The following BABAM2 variants were observed in gnomAD, a reference collection of about 807,000 sequenced individuals.
The protein encoded by BABAM2 is BRISC and BRCA1-A complex member 2.
Under a neutral mutation model 54.7 loss-of-function variants are expected in BABAM2, and 31 were observed. The observed-to-expected ratio is 0.57, with a 90% CI of 0.43 to 0.77. The LOEUF (loss-of-function observed/expected upper bound fraction) is 0.77, where lower values mean the gene tolerates loss of function less well. Ranked by LOEUF, BABAM2 falls within the 30% of genes least tolerant of loss-of-function variation. The pLI is 0.00. For synonymous variants in BABAM2, 167 were observed against 162.9 expected, an observed-to-expected ratio of 1.03 and a Z score of -0.19; for missense variants, 364 against 455.8, an observed-to-expected ratio of 0.80 and a Z score of 1.83.
At chr2:27,941,686 C>T (rs10170872) in intron 3 of BABAM2, among the ~76,000 whole-genome samples, 99,476 of 151,928 alleles carry the variant, frequency 0.65, 34,221 homozygotes, top group Middle Eastern at 0.8. Context: ...TACACTTTTC[C>T]TTTCAGAGGA....
intron 10 of BABAM2, among the ~76,000 whole-genome samples, chr2:28,272,866 A>G (rs1685540507): frequency 6.6e-6 from 1 of 152,102 alleles, no homozygotes; most frequent in South Asian, 2.1e-4. Context: ...AGGCCATTGA[A>G]CTGGGGACTG....
chr2:28,245,341 A>T (rs1409009349), intron 10 of BABAM2, among the ~76,000 whole-genome samples: 1 of 152,184 alleles, frequency 6.6e-6, no homozygotes, highest in East Asian at 1.9e-4. Flanking sequence ...TGCTGTGATC[A>T]TTTGGTTATC....
chr2:27,976,956 C>G (rs1168414573), intron 3 of BABAM2, among the ~76,000 whole-genome samples: 1 of 152,136 alleles, frequency 6.6e-6, no homozygotes, highest in Non-Finnish European at 1.5e-5. Context: ...GCCTCTGCCC[C>G]CTACTTCCAT....
intron 3 of BABAM2, among the ~76,000 whole-genome samples, chr2:27,970,201 A>G (rs1401948726): frequency 2.6e-5 from 4 of 152,186 alleles, no homozygotes; most frequent in Non-Finnish European, 2.9e-5. Flanking sequence ...CACTTCTTCA[A>G]TGAAGTCATC....
chr2:27,913,727 A>G (rs1558581932), intron 2 of BABAM2, among the ~76,000 whole-genome samples: 1 of 152,214 alleles, frequency 6.6e-6, no homozygotes. Context: ...TGTTTATAAT[A>G]CAATCTTCTT....
intron 6 of BABAM2, among the ~76,000 whole-genome samples, chr2:28,112,104 T>TCTTTCTTTCTTC (rs1668087563): frequency 1.2e-4 from 1 of 8,510 alleles, no homozygotes; most frequent in Non-Finnish European, 2.4e-4. Context: ...TTTCTTTCTT[T>TCTTTCTTTCTTC]CTTTCTTTCT....
intron 2 of BABAM2, among the ~76,000 whole-genome samples, chr2:27,912,403 T>C (rs982092021): frequency 3.9e-5 from 6 of 152,242 alleles, no homozygotes; most frequent in African/African-American, 7.2e-5. Flanking sequence ...GTATTTATCA[T>C]GTTTTTGCAT....
intron 7 of BABAM2, among the ~76,000 whole-genome samples, chr2:28,211,117 G>A (rs1679407350): frequency 6.6e-6 from 1 of 152,160 alleles, no homozygotes; most frequent in African/African-American, 2.4e-5. Context: ...GCCAAAAACA[G>A]AGGGGACACA....
intron 2 of BABAM2, among the ~76,000 whole-genome samples, chr2:27,910,054 C>T (rs967123803): frequency 6.6e-6 from 1 of 152,210 alleles, no homozygotes; most frequent in African/African-American, 2.4e-5. Flanking sequence ...ATAGCTAAGC[C>T]ATTCCATCTA....
chr2:27,914,700 GAA>G (rs1666836280), intron 2 of BABAM2, among the ~76,000 whole-genome samples: 2 of 152,146 alleles, frequency 1.3e-5, no homozygotes, highest in Admixed American at 1.3e-4. Context: ...ATAAAAAACA[GAA>G]GAGAATGGAA....
chr2:28,240,898 ATTTAT>A (rs1476249931), intron 8 of BABAM2, among the ~76,000 whole-genome samples: 1 of 150,948 alleles, frequency 6.6e-6, no homozygotes, highest in Non-Finnish European at 1.5e-5. Context: ...AAAAAAACCC[ATTTAT>A]TTTAATTCTT....
At chr2:28,181,932 T>A (rs1268742396) in intron 7 of BABAM2, among the ~76,000 whole-genome samples, 10 of 151,962 alleles carry the variant, frequency 6.6e-5, no homozygotes. Context: ...GAAGGAGGTG[T>A]CAGAGTGAGC....
chr2:28,074,004 C>T (rs1031815783), intron 6 of BABAM2, among the ~76,000 whole-genome samples: 2 of 150,562 alleles, frequency 1.3e-5, no homozygotes, highest in Non-Finnish European at 2.9e-5. Context: ...TATATTTACA[C>T]ATATATACAC....
In BABAM2 at chr2:27,941,517, C is replaced by G. The variant is rs186162077; in HGVS notation, c.205+11609C>G. 2.0e-5 allele frequency among the ~76,000 whole-genome samples: 3 copies of G among 151,334 alleles called. No individual in the cohort carries two copies. The East Asian group carries it at 5.9e-4, about 30-fold the overall frequency. ...GTTGCAGCTAGCCGAGATCGCGGCA[C>G]TGCACACCAGCCTGGGTGACAGTGC... On this transcript the variant is annotated intron_variant, in intron 3 of 11. Coordinates refer to ENST00000379624, the MANE Select transcript of BABAM2 (RefSeq NM_199191.3).
At chr2:28,148,424 A>G (rs751611397) in intron 7 of BABAM2, among the ~76,000 whole-genome samples, 2 of 152,244 alleles carry the variant, frequency 1.3e-5, no homozygotes, top group East Asian at 3.8e-4. Context: ...GTGTTTTGCC[A>G]TGGAAACCAT....
intron 7 of BABAM2, among the ~76,000 whole-genome samples, chr2:28,165,793 C>T (rs1427629835): frequency 2.0e-5 from 3 of 152,086 alleles, no homozygotes; most frequent in Non-Finnish European, 4.4e-5. Flanking sequence ...ACCTCAGCCT[C>T]CCATAATGCT....
At chr2:28,136,982 T>A (rs1458168497) in intron 7 of BABAM2, among the ~76,000 whole-genome samples, 1 of 152,218 alleles carries the variant, frequency 6.6e-6, no homozygotes, top group East Asian at 1.9e-4. Flanking sequence ...GTATATGTGA[T>A]TTTATTTACC....
chr2:28,168,451 G>A (rs1485218399), intron 7 of BABAM2, among the ~76,000 whole-genome samples: 2 of 152,140 alleles, frequency 1.3e-5, no homozygotes, highest in Non-Finnish European at 2.9e-5. Context: ...GGCATCATAG[G>A]AGCTTGCCCG....
chr2:28,297,153 G>C (rs746178387), intron 10 of BABAM2, among the ~76,000 whole-genome samples: 25 of 152,162 alleles, frequency 1.6e-4, no homozygotes, highest in Admixed American at 3.9e-4. Flanking sequence ...GGCAATGTGG[G>C]GCATAGTAGG....
Sources: gnomAD v4.1 joint callset for allele counts (sites outside exome capture counted in the v4.1 genomes callset) on GRCh38, gnomAD v4.1.1 for gene constraint, MANE v1.5 for transcripts, NCBI Gene and HGNC (gene_info 2026-07-23, HGNC 2026-07-21) for gene names.